CSF1R: variants seen among roughly 807,000 people sequenced by gnomAD.
The protein encoded by CSF1R is colony stimulating factor 1 receptor, also known as macrophage colony-stimulating factor 1 receptor.
A neutral mutation model predicts 110.0 loss-of-function variants in CSF1R; 40 were observed. The ratio of observed to expected loss-of-function variants is 0.36; its 90% CI spans 0.28 to 0.47. The LOEUF is 0.47. CSF1R is among the 20% of genes least tolerant of loss of function. The pLI is 0.99. For missense variants in CSF1R, 1,052 were observed against 1,253.0 expected (o/e 0.84, Z 2.42); for synonymous variants, 523 against 503.4 (o/e 1.04, Z -0.52).
chr5:150,055,684 G>A (rs922330181), intron 18 of CSF1R, among the ~76,000 whole-genome samples: 1 of 152,190 alleles, frequency 6.6e-6, no homozygotes, highest in African/African-American at 2.4e-5. Flanking sequence ...CCTAGTCCTC[G>A]GGAAATAGCA....
chr5:150,112,633 AC>A (rs1759757850), intron 1 of CSF1R, among the ~76,000 whole-genome samples: 2 of 152,186 alleles, frequency 1.3e-5, no homozygotes, highest in Admixed American at 6.5e-5. Flanking sequence ...ACCTCATTCA[AC>A]TCCTGCCACA....
chr5:150,098,215 A>G (rs1298052859), intron 1 of CSF1R, among the ~76,000 whole-genome samples: 1 of 152,210 alleles, frequency 6.6e-6, no homozygotes, highest in East Asian at 1.9e-4. Context: ...AATCAAACAA[A>G]CATAGAAAAC....
At chr5:150,063,036 T>C (rs1188191125) in intron 10 of CSF1R, among the ~76,000 whole-genome samples, 1 of 151,812 alleles carries the variant, frequency 6.6e-6, no homozygotes, top group Non-Finnish European at 1.5e-5. Flanking sequence ...TTTTTTTTTT[T>C]CCAAGACAGG....
In CSF1R at chr5:150,070,566, G is replaced by A. The variant is rs1341604312; in HGVS notation, c.1088C>T (p.Thr363Ile). 1 of 1,527,322 alleles carries A rather than the reference G, an allele frequency of 6.5e-7. No individual in the cohort carries two copies. The allele number at this position is 1,527,322 out of a possible 1,614,324, so 94.6% of individuals were successfully genotyped here. The change falls in exon 7 of 21, where the codon ACC becomes ATC. Residue 363 changes from threonine to isoleucine, a missense_variant. Thr to Ile is a moderately conservative substitution (Grantham distance 89, BLOSUM62 -1). Transcript: ENST00000675795. ...CAGGCGGGGCAGAGAGAGGGTGAAG[G>A]TGTGCCTGCAGGAGAGAATCAGGTG... ...NATTKDTYRHTFTLSLPRLKP... is the reference protein window; with the variant it reads ...NATTKDTYRHIFTLSLPRLKP...
intron 1 of CSF1R, among the ~76,000 whole-genome samples, chr5:150,084,370 AGAAAGAAAGAAAGAAAGAAAGAAGGAAG>A (rs1192270484): frequency 6.9e-5 from 3 of 43,440 alleles, no homozygotes; most frequent in Non-Finnish European, 1.3e-4. Flanking sequence ...AAAGAAAGAA[AGAAAGAAAGAAAGAAAGAAAGAAGGAAG>A]GAAGGAAGGA....
At chr5:150,070,796 T>TC (rs112218069) in intron 6 of CSF1R, among the ~76,000 whole-genome samples, 2 of 152,370 alleles carry the variant, frequency 1.3e-5, no homozygotes, top group African/African-American at 4.8e-5. Context: ...AGTGTTTTTT[T>TC]CCCGAGGTTT....
intron 10 of CSF1R, among the ~76,000 whole-genome samples, chr5:150,064,920 C>T (rs535494124): frequency 2.1e-4 from 32 of 152,324 alleles, no homozygotes; most frequent in African/African-American, 3.4e-4. Flanking sequence ...GGCTCATGGG[C>T]GTCTACCCAG....
At chr5:150,104,179 C>T (rs926015400) in intron 1 of CSF1R, among the ~76,000 whole-genome samples, 1 of 152,236 alleles carries the variant, frequency 6.6e-6, no homozygotes, top group Non-Finnish European at 1.5e-5. Context: ...TCTTGCCCAG[C>T]TTTCATGCAA....
intron 2 of CSF1R, 151 bp from the exon 3 acceptor site, chr5:150,080,487 T>C: frequency 8.7e-7 from 1 of 1,150,098 alleles, no homozygotes; most frequent in Non-Finnish European, 1.2e-6. Flanking sequence ...TTCAGCGTGG[T>C]GGCTCCAGAG....
chr5:150,085,000 C>G (rs927588260), intron 1 of CSF1R, among the ~76,000 whole-genome samples: 1 of 151,978 alleles, frequency 6.6e-6, no homozygotes, highest in African/African-American at 2.4e-5. Flanking sequence ...AAGTCCAGGC[C>G]GGGCGCCGTG....
At chr5:150,090,363 T>C (rs370892634), upstream of CSF1R, among the ~76,000 whole-genome samples, 4 of 152,314 alleles carry the variant, frequency 2.6e-5, no homozygotes, top group South Asian at 4.1e-4. Flanking sequence ...TATATAACAA[T>C]GTAACCACCA....
intron 10 of CSF1R, among the ~76,000 whole-genome samples, chr5:150,066,270 G>A (rs981703566): frequency 5.3e-5 from 8 of 152,176 alleles, no homozygotes; most frequent in Admixed American, 1.3e-4. Flanking sequence ...CTCTATGTGC[G>A]TTGTGGTACG....
intron 1 of CSF1R, among the ~76,000 whole-genome samples, chr5:150,112,912 GA>G (rs1759769874): frequency 6.6e-6 from 1 of 152,210 alleles, no homozygotes; most frequent in Non-Finnish European, 1.5e-5. Context: ...CTCAAATGAA[GA>G]TGCCGTTTCC....
chr5:150,056,415 G>A, intron 16 of CSF1R, 74 bp from the exon 17 acceptor site: 2 of 1,581,888 alleles, frequency 1.3e-6, no homozygotes, highest in Admixed American at 3.6e-5. Context: ...ATGGCAGGGA[G>A]GGCCCCACAT....
intron 1 of CSF1R, among the ~76,000 whole-genome samples, chr5:150,081,915 AG>A: frequency 6.6e-6 from 1 of 152,294 alleles, no homozygotes; most frequent in South Asian, 2.1e-4. Flanking sequence ...GGCCTAAAAT[AG>A]GGGCAAAGGA....
intron 10 of CSF1R, among the ~76,000 whole-genome samples, chr5:150,063,069 T>A (rs1399940091): frequency 1.3e-5 from 2 of 151,914 alleles, no homozygotes; most frequent in Non-Finnish European, 2.9e-5. Context: ...CAGACTGGCA[T>A]GCAGTGGGGG....
chr5:150,071,105 C>T lies in CSF1R; in HGVS notation c.1083-534G>A, dbSNP rs188133229. ...ACTTCCTTTGCTGTGAGAGTGATAT[C>T]GATGGTTATTAATTCACAGGCTTGG... On this transcript the variant is annotated intron_variant, in intron 6 of 20. Coordinates refer to ENST00000675795, the MANE Select transcript of CSF1R (RefSeq NM_001288705.3). Among the ~76,000 whole-genome samples, 16 of 152,176 alleles carry T rather than the reference C, an allele frequency of 1.1e-4. No homozygotes were observed. The East Asian group carries it at 2.1e-3, about 20-fold the overall frequency.
chr5:150,094,684 C>T (rs1759158738), intron 1 of CSF1R: 1 of 1,599,544 alleles, frequency 6.3e-7, no homozygotes, highest in South Asian at 1.1e-5. Flanking sequence ...CTCAACAAGG[C>T]TTCGATTAAC....
rs1758519048 is a variant in CSF1R at position 150,081,044 on chromosome 5, G to A, written c.50-20C>T. ...CCTGACCTGGTGGGAGAGAGGGACAGCAGACAGAAGTGAGGTCTAGGATGC... is the reference window on the plus strand; with the variant it reads ...CCTGACCTGGTGGGAGAGAGGGACAACAGACAGAAGTGAGGTCTAGGATGC... On this transcript the variant is annotated intron_variant, in intron 1 of 20. Transcript: ENST00000675795. 1.9e-6 allele frequency: 3 copies of A among 1,613,134 alleles called. No individual in the cohort carries two copies. Among genetic ancestry groups the A allele is most frequent in the Non-Finnish European group, 2.5e-6 (3 of 1,179,394 alleles).
Sources: allele counts gnomAD v4.1 joint callset (sites outside exome capture counted in the v4.1 genomes callset), GRCh38; gene constraint gnomAD v4.1.1; transcripts MANE v1.5; gene names NCBI Gene and HGNC (gene_info 2026-07-23, HGNC 2026-07-21).